The following JADE3 variants were observed in gnomAD, a reference collection of about 807,000 sequenced individuals.
JADE3 encodes protein Jade-3.
A neutral mutation model predicts 50.1 loss-of-function variants in JADE3; 2 were observed. The ratio of observed to expected loss-of-function variants is 0.04; its 90% CI spans 0.02 to 0.13. The LOEUF (loss-of-function observed/expected upper bound fraction) is 0.13. JADE3 is among the 10% of genes least tolerant of loss of function. The pLI is 1.00. For synonymous variants in JADE3, 218 were observed against 232.9 expected (o/e 0.94, Z 0.58); for missense variants, 475 against 634.4 (o/e 0.75, Z 2.70).
chrX:47,034,219 G>A (rs956743511), intron 7 of JADE3, among the ~76,000 whole-genome samples: 6 of 110,661 alleles, frequency 5.4e-5, no homozygotes, highest in African/African-American at 1.6e-4. Flanking sequence ...GTTTGTATCT[G>A]TAACCACAAC....
intron 4 of JADE3, among the ~76,000 whole-genome samples, chrX:47,010,469 CCGCCTGGCTTGG>C (rs1242475157): frequency 8.9e-6 from 1 of 111,894 alleles, no homozygotes; most frequent in Admixed American, 9.5e-5. Context: ...CTCAGGTGAT[CCGCCTGGCTTGG>C]CTGGGATTAC....
At chrX:47,032,513 A>T (rs992127376) in intron 6 of JADE3, among the ~76,000 whole-genome samples, 4 of 110,490 alleles carry the variant, frequency 3.6e-5, no homozygotes, top group Non-Finnish European at 7.6e-5. Context: ...GTCAAGTAGA[A>T]GAAGGGTTGA....
intron 1 of JADE3, among the ~76,000 whole-genome samples, chrX:46,941,416 T>C (rs897861169): frequency 4.5e-5 from 5 of 111,646 alleles, no homozygotes; most frequent in African/African-American, 1.6e-4. Flanking sequence ...TTGGGTGATA[T>C]ACCTAGTAGT....
chrX:46,934,424 G>T (rs1011995852), intron 1 of JADE3, among the ~76,000 whole-genome samples: 3 of 110,474 alleles, frequency 2.7e-5, no homozygotes, highest in Non-Finnish European at 5.7e-5. Flanking sequence ...TCAGCCTCCC[G>T]AGTAGCTGGG....
At chrX:46,970,689 G>A (rs1927464231) in intron 1 of JADE3, among the ~76,000 whole-genome samples, 1 of 111,497 alleles carries the variant, frequency 9.0e-6, no homozygotes, top group Non-Finnish European at 1.9e-5. Context: ...GTAAGTTTGG[G>A]GTCATTTCTG....
intron 1 of JADE3, among the ~76,000 whole-genome samples, chrX:46,923,187 G>C (rs1476925339): frequency 9.3e-6 from 1 of 107,540 alleles, no homozygotes; most frequent in African/African-American, 3.4e-5. Flanking sequence ...TAGTTTTTAA[G>C]ATCTTTTGTA....
At chrX:46,934,211 C>G (rs1926557842) in intron 1 of JADE3, among the ~76,000 whole-genome samples, 1 of 111,485 alleles carries the variant, frequency 9.0e-6, no homozygotes, top group African/African-American at 3.3e-5. Context: ...TCTTGGCTCA[C>G]TGCAACCTCT....
intron 4 of JADE3, among the ~76,000 whole-genome samples, chrX:47,016,200 G>A (rs1411700832): frequency 9.0e-6 from 1 of 111,010 alleles, no homozygotes; most frequent in African/African-American, 3.3e-5. Flanking sequence ...ACAGCAAAGG[G>A]GGCTGGAGAA....
chrX:46,923,375 TTC>T (rs1235628426), intron 1 of JADE3, among the ~76,000 whole-genome samples: 39 of 57,938 alleles, frequency 6.7e-4, no homozygotes, highest in South Asian at 1.2e-3. Context: ...GAGATTTCTT[TTC>T]TCTCTCTCTC....
At chrX:47,046,983 C>A (rs879989670) in intron 8 of JADE3, among the ~76,000 whole-genome samples, 2 of 111,562 alleles carry the variant, frequency 1.8e-5, no homozygotes, top group Admixed American at 1.9e-4. Context: ...GAATAAAAAT[C>A]TTGAAAAAGA....
intron 4 of JADE3, among the ~76,000 whole-genome samples, chrX:47,014,020 AT>A (rs1248644839): frequency 4.5e-5 from 5 of 111,850 alleles, no homozygotes; most frequent in Non-Finnish European, 7.5e-5. Flanking sequence ...ATTGTTTTGA[AT>A]GTGCTTTGTC....
At chrX:46,973,941 A>G (rs12835705) in intron 1 of JADE3, among the ~76,000 whole-genome samples, 1 of 109,567 alleles carries the variant, frequency 9.1e-6, no homozygotes, top group Non-Finnish European at 1.9e-5. Flanking sequence ...TTAACCAGGT[A>G]TGGTGGTGCA....
chrX:47,027,995 A>G lies in JADE3; in HGVS notation c.579A>G (p.Leu193=). The G allele has an allele frequency of 1.7e-6, 2 of 1,207,505 alleles. No individual in the cohort carries two copies. Among genetic ancestry groups the G allele is most frequent in the Non-Finnish European group, 2.2e-6 (2 of 891,639 alleles). The change falls in exon 6 of 11, where the codon CTA becomes CTG. Residue 193 remains leucine (L), a synonymous_variant. Coordinates refer to ENST00000614628, the MANE Select transcript of JADE3 (RefSeq NM_014735.5). ...MNHAIETEEG[L]GIEYDEDVIC... Reference sequence around the variant, plus strand: ...ATGCTATTGAGACAGAGGAAGGGCTAGGCATAGAGTATGATGAAGATGTGA... The same window carrying G: ...ATGCTATTGAGACAGAGGAAGGGCTGGGCATAGAGTATGATGAAGATGTGA...
At chrX:46,977,437 C>T (rs781997597) in intron 1 of JADE3, among the ~76,000 whole-genome samples, 1 of 111,940 alleles carries the variant, frequency 8.9e-6, no homozygotes, top group South Asian at 3.7e-4. Context: ...TGCCATAAAC[C>T]TATCTATCAC....
chrX:46,920,400 TC>T (rs1185729311), intron 1 of JADE3, among the ~76,000 whole-genome samples: 1 of 112,960 alleles, frequency 8.9e-6, no homozygotes, highest in African/African-American at 3.2e-5. Flanking sequence ...AATAGCCTGT[TC>T]CTTTTCATTA....
intron 4 of JADE3, among the ~76,000 whole-genome samples, chrX:47,020,481 A>T (rs1271032511): frequency 1.8e-5 from 2 of 111,174 alleles, no homozygotes; most frequent in East Asian, 2.8e-4. Flanking sequence ...TCCCAAACAT[A>T]TTTTTTTTCA....
At chrX:46,938,043 A>G (rs1556341510) in intron 1 of JADE3, among the ~76,000 whole-genome samples, 4 of 111,457 alleles carry the variant, frequency 3.6e-5, no homozygotes, top group Non-Finnish European at 7.5e-5. Flanking sequence ...ATCTTTTTCC[A>G]TCCTTTTGCT....
chrX:46,969,422 G>A (rs1215310643), intron 1 of JADE3, among the ~76,000 whole-genome samples: 1 of 111,180 alleles, frequency 9.0e-6, no homozygotes, highest in Non-Finnish European at 1.9e-5. Context: ...TCTCAAAAAA[G>A]GAAAAAAACA....
At chrX:46,936,909 G>A (rs1302314383) in intron 1 of JADE3, among the ~76,000 whole-genome samples, 8 of 111,520 alleles carry the variant, frequency 7.2e-5, no homozygotes, top group African/African-American at 2.0e-4. Context: ...CCAACTTTTG[G>A]CTTCATCGAT....
Sources: allele counts gnomAD v4.1 joint callset (sites outside exome capture counted in the v4.1 genomes callset), GRCh38; gene constraint gnomAD v4.1.1; transcripts MANE v1.5; gene names NCBI Gene and HGNC (gene_info 2026-07-23, HGNC 2026-07-21).